Variants in MFSD8 observed in about 807,000 individuals in gnomAD.
The protein encoded by MFSD8 is major facilitator superfamily domain-containing protein 8.
MFSD8 carries 55 observed loss-of-function variants against 66.4 expected under a neutral mutation model. The ratio of observed to expected loss-of-function variants is 0.83; its 90% CI spans 0.67 to 1.04. The LOEUF (loss-of-function observed/expected upper bound fraction) is 1.04, where lower values mean the gene tolerates loss of function less well. Ranked by LOEUF, MFSD8 falls within the 50% of genes least tolerant of loss-of-function variation. MFSD8 has a pLI of 0.00. For missense variants in MFSD8, 550 were observed against 627.6 expected (o/e 0.88, Z 1.32); for synonymous variants, 202 against 212.8 (o/e 0.95, Z 0.44).
At chr4:127,929,340 A>AAAAAAAAAG (rs1737744259) in intron 9 of MFSD8, among the ~76,000 whole-genome samples, 4 of 145,348 alleles carry the variant, frequency 2.8e-5, no homozygotes, top group African/African-American at 7.7e-5. Context: ...AAAAAAAAAA[A>AAAAAAAAAG]AAAAAAAAAG....
intron 11 of MFSD8, chr4:127,921,257 T>G: frequency 1.6e-6 from 1 of 616,296 alleles, no homozygotes; most frequent in Non-Finnish European, 2.8e-6. Context: ...TTCAAGAGGT[T>G]TGAAGCCATA....
chr4:127,933,287 C>A, intron 7 of MFSD8, 194 bp from the exon 8 acceptor site: 1 of 482,970 alleles, frequency 2.1e-6, no homozygotes, highest in Non-Finnish European at 3.8e-6. Flanking sequence ...CTCTGTCACC[C>A]AGACTAGAGT....
chr4:127,962,383 G>A (rs1743931222), intron 1 of MFSD8, among the ~76,000 whole-genome samples: 2 of 152,036 alleles, frequency 1.3e-5, no homozygotes, highest in African/African-American at 4.8e-5. Flanking sequence ...CAGGAGAATC[G>A]CTTGAACCTG....
intron 9 of MFSD8, among the ~76,000 whole-genome samples, chr4:127,928,312 T>C (rs2148865454): frequency 6.6e-6 from 1 of 152,174 alleles, no homozygotes; most frequent in East Asian, 1.9e-4. Flanking sequence ...AGAAATGGGG[T>C]TTCACCATGT....
At chr4:127,955,678 T>C (rs1440668623) in intron 2 of MFSD8, among the ~76,000 whole-genome samples, 1 of 152,118 alleles carries the variant, frequency 6.6e-6, no homozygotes, top group African/African-American at 2.4e-5. Context: ...GGTTCTCTGC[T>C]CTCCCCCTTT....
rs116482461 is a variant in MFSD8, at chr4:127,939,586, C to T, written c.698+267G>A. 1,996 of 217,538 alleles carry T rather than the reference C, an allele frequency of 9.2e-3. 58 individuals carry two copies. Among genetic ancestry groups the T allele is most frequent in the African/African-American group, 0.067 (1,887 of 28,120 alleles). The allele number at this position is 217,538 out of a possible 1,614,324, so 13.5% of individuals were successfully genotyped here. A position where few individuals can be genotyped will look rare whatever the true frequency, so the allele number is the denominator to read the frequency against. ...TGCCACTGCCCTCCAGTCTGAGCAA[C>T]AGAGTAAGATCTTGTCTCAAAAAAA... is the stretch of plus-strand genomic sequence containing the variant. On this transcript the variant is annotated intron_variant, in intron 6 of 11. Coordinates refer to ENST00000641686, the MANE Select transcript of MFSD8 (RefSeq NM_001371596.2).
chr4:127,957,587 C>G lies in MFSD8; in HGVS notation c.68G>C (p.Trp23Ser). The G allele has an allele frequency of 6.2e-7, 1 of 1,607,456 alleles. No individual in the cohort carries two copies. Among genetic ancestry groups the G allele is most frequent in the Non-Finnish European group, 8.5e-7 (1 of 1,174,866 alleles). Residue 23 changes from tryptophan (W) to serine (S), a missense_variant, in exon 2 of 12, where the codon TGG (tryptophan) becomes TCG (serine). By Grantham distance (177) the Trp-to-Ser change is radical. Transcript: ENST00000641686. ...LLGDTPGSREWDILETEEHYK... is the reference protein window; with the variant it reads ...LLGDTPGSRESDILETEEHYK... ...ATGCTCTTCAGTCTCTAAAATGTCC[C>G]ATTCTCTAGGTGTAAAGAAGAAAAA...
intron 3 of MFSD8, among the ~76,000 whole-genome samples, chr4:127,949,060 CAATT>C (rs1741524827): frequency 6.6e-6 from 1 of 152,110 alleles, no homozygotes; most frequent in South Asian, 2.1e-4. Context: ...TCGTGATCAA[CAATT>C]AAGTAATTGG....
rs757664600 is a variant in MFSD8, at chr4:127,957,625, TTA to T, written c.63-35_63-34del. ...TAAAGAAGAAAAAAGTAGTATAAAT[TTA>T]TCTCATTACATGTGGATCTTAAGTG... On this transcript the variant is annotated intron_variant, in intron 1 of 11. Transcript: ENST00000641686. 35 of 1,406,412 alleles carry T rather than the reference TTA, an allele frequency of 2.5e-5. No homozygotes were observed. The African/African-American group carries it at 4.5e-4, about 18-fold the overall frequency. 87.1% of individuals were successfully genotyped at this position (1,406,412 alleles called of 1,614,324 possible).
intron 9 of MFSD8, among the ~76,000 whole-genome samples, chr4:127,923,558 A>AT (rs1491013183): frequency 6.2e-4 from 65 of 104,884 alleles, no homozygotes; most frequent in African/African-American, 3.2e-3. Context: ...TTTATTTATT[A>AT]TTATTATTAT....
chr4:127,956,536 T>C (rs1471043617), intron 2 of MFSD8, among the ~76,000 whole-genome samples: 1 of 150,546 alleles, frequency 6.6e-6, no homozygotes, highest in Non-Finnish European at 1.5e-5. Context: ...GAAATATTTT[T>C]AACTGGGGGC....
chr4:127,927,537 A>C (rs1737417063), intron 9 of MFSD8, among the ~76,000 whole-genome samples: 1 of 152,202 alleles, frequency 6.6e-6, no homozygotes, highest in African/African-American at 2.4e-5. Flanking sequence ...ATGTAGCCCC[A>C]TTGCAAGTTA....
intron 7 of MFSD8, among the ~76,000 whole-genome samples, chr4:127,938,301 A>T (rs1234258786): frequency 6.6e-6 from 1 of 151,914 alleles, no homozygotes; most frequent in Non-Finnish European, 1.5e-5. Flanking sequence ...ATGCCTCTTT[A>T]AAAAAAATCA....
Position 127,938,262 on chromosome 4 carries a change from A to G in MFSD8, c.754+521T>C, listed in dbSNP as rs571058771. ...TTTTACAATGTTTGTAACCTTGTCAATCATGACCACCAAATAACCAATATG... is the reference window on the plus strand; with the variant it reads ...TTTTACAATGTTTGTAACCTTGTCAGTCATGACCACCAAATAACCAATATG... On this transcript the variant is annotated intron_variant, in intron 7 of 11. Coordinates refer to ENST00000641686, the MANE Select transcript of MFSD8 (RefSeq NM_001371596.2). 3.9e-5 allele frequency among the ~76,000 whole-genome samples: 6 copies of G among 152,278 alleles called. No individual in the cohort carries two copies. The East Asian group carries it at 5.8e-4, about 15-fold the overall frequency.
rs545293361 is a variant in MFSD8, at chr4:127,940,812, C to T, written c.554-815G>A. 6.6e-5 allele frequency among the ~76,000 whole-genome samples: 10 copies of T among 151,978 alleles called. No homozygotes were observed. In the East Asian group the frequency reaches 1.7e-3, roughly 26 times the overall value. On this transcript the variant is annotated intron_variant, in intron 5 of 11. Transcript: ENST00000641686. ...CTTCTGATTTAGATTCAATATGTGG[C>T]TCTATAGTAATTCACATATAACTCT...
In MFSD8 at chr4:127,943,760, A is replaced by G. The variant is rs1227703492; in HGVS notation, c.431T>C (p.Ile144Thr). 5 of 1,614,172 alleles carry G rather than the reference A, an allele frequency of 3.1e-6. No individual in the cohort carries two copies. Among genetic ancestry groups the G allele is most frequent in the Non-Finnish European group, 4.2e-6 (5 of 1,180,036 alleles). The change falls in exon 4 of 12, where the codon ATT becomes ACT. Residue 144 changes from isoleucine to threonine, a missense_variant. Transcript: ENST00000641686. ...TATACATACAACCTTACCTGCTCCAATTCCCAACAATCCACGAGCAACCAG... is the reference window on the plus strand; with the variant it reads ...TATACATACAACCTTACCTGCTCCAGTTCCCAACAATCCACGAGCAACCAG... ...YMLVARGLLG[I>T]GAGNVAVVRS... is the part of the protein sequence containing the mutation.
rs565253666 is a variant in MFSD8, at chr4:127,920,837, C to T, written c.1351-1G>A. On this transcript the variant is annotated splice_acceptor_variant, in intron 11 of 11. Coordinates refer to ENST00000641686, the MANE Select transcript of MFSD8 (RefSeq NM_001371596.2). LOFTEE classifies it high-confidence loss of function. ...CTGTTAACCAGCCCATGTATACACC[C>T]TGTTGGGGGTGAAATGGAGGACAAG... The T allele has an allele frequency of 5.0e-6, 8 of 1,613,328 alleles. No homozygotes were observed. The East Asian group carries it at 6.7e-5, about 13-fold the overall frequency.
At chr4:127,924,523 C>T (rs1340726859) in intron 9 of MFSD8, among the ~76,000 whole-genome samples, 1 of 152,124 alleles carries the variant, frequency 6.6e-6, no homozygotes, top group African/African-American at 2.4e-5. Flanking sequence ...TCTAGGAATA[C>T]AACTTACAAG....
intron 8 of MFSD8, chr4:127,932,615 A>G (rs1738335391): frequency 6.4e-6 from 1 of 156,024 alleles, no homozygotes; most frequent in Non-Finnish European, 1.4e-5. Context: ...TATTAAATTG[A>G]GTTAAAATTA....
Sources: allele counts gnomAD v4.1 joint callset (sites outside exome capture counted in the v4.1 genomes callset), GRCh38; gene constraint gnomAD v4.1.1; transcripts MANE v1.5; gene names NCBI Gene and HGNC (gene_info 2026-07-23, HGNC 2026-07-21).